ADGRL3: variants seen among roughly 807,000 people sequenced by gnomAD.
The protein encoded by ADGRL3 is adhesion G protein-coupled receptor L3.
A neutral mutation model predicts 153.5 loss-of-function variants in ADGRL3; 62 were observed. The observed-to-expected ratio is 0.40, with a 90% CI of 0.33 to 0.50. The LOEUF is 0.50. Ranked by LOEUF, ADGRL3 falls within the 20% of genes least tolerant of loss-of-function variation. The pLI is 0.47. For missense variants in ADGRL3, 1,641 were observed against 1,859.4 expected, an observed-to-expected ratio of 0.88 and a Z score of 2.16; for synonymous variants, 710 against 672.5, an observed-to-expected ratio of 1.06 and a Z score of -0.86.
chr4:61,957,289 G>T (rs975961557), intron 17 of ADGRL3, among the ~76,000 whole-genome samples: 1 of 151,988 alleles, frequency 6.6e-6, no homozygotes, highest in African/African-American at 2.4e-5. Flanking sequence ...TTTATTCTCT[G>T]TGTAGTGATT....
At chr4:61,574,924 A>G (rs1014929382) in intron 4 of ADGRL3, among the ~76,000 whole-genome samples, 7 of 151,826 alleles carry the variant, frequency 4.6e-5, no homozygotes, top group Admixed American at 2.0e-4. Context: ...GAAGGCTTAT[A>G]TATTATTATT....
intron 2 of ADGRL3, among the ~76,000 whole-genome samples, chr4:61,395,155 A>AT (rs1428437679): frequency 6.6e-6 from 1 of 152,012 alleles, no homozygotes; most frequent in African/African-American, 2.4e-5. Context: ...TTCCGGGACA[A>AT]TCTAGTGATA....
At chr4:61,414,443 C>G (rs1482366904) in intron 2 of ADGRL3, among the ~76,000 whole-genome samples, 1 of 152,044 alleles carries the variant, frequency 6.6e-6, no homozygotes, top group South Asian at 2.1e-4. Flanking sequence ...TAAGAATATA[C>G]TGTTGTTATT....
At chr4:61,306,042 C>A (rs1294633753) in intron 1 of ADGRL3, among the ~76,000 whole-genome samples, 2 of 151,910 alleles carry the variant, frequency 1.3e-5, no homozygotes, top group Non-Finnish European at 2.9e-5. Context: ...TGGATCCTAC[C>A]AGTTTTAGCT....
chr4:62,059,473 C>G (rs992478859), intron 25 of ADGRL3, among the ~76,000 whole-genome samples: 1 of 152,114 alleles, frequency 6.6e-6, no homozygotes, highest in Non-Finnish European at 1.5e-5. Flanking sequence ...GAGTGCTAGA[C>G]AGTAAAGAAG....
intron 17 of ADGRL3, among the ~76,000 whole-genome samples, chr4:61,955,505 A>G (rs1333665317): frequency 6.6e-6 from 1 of 152,192 alleles, no homozygotes. Flanking sequence ...ACTAATTTGA[A>G]CTAATTAGTG....
At chr4:61,590,289 A>T (rs2098964203) in intron 5 of ADGRL3, among the ~76,000 whole-genome samples, 1 of 152,112 alleles carries the variant, frequency 6.6e-6, no homozygotes, top group African/African-American at 2.4e-5. Flanking sequence ...TAAATATGCT[A>T]ATTTTGTTAT....
At chr4:61,986,269 C>T (rs2099085259) in intron 19 of ADGRL3, among the ~76,000 whole-genome samples, 1 of 152,078 alleles carries the variant, frequency 6.6e-6, no homozygotes, top group Admixed American at 6.5e-5. Flanking sequence ...TGCTAAGTAG[C>T]TCCATTTTGC....
intron 9 of ADGRL3, among the ~76,000 whole-genome samples, chr4:61,871,536 A>G (rs2098445538): frequency 2.0e-5 from 3 of 152,172 alleles, no homozygotes; most frequent in South Asian, 2.1e-4. Flanking sequence ...ATACTGTATG[A>G]TTCCATTTAT....
intron 4 of ADGRL3, among the ~76,000 whole-genome samples, chr4:61,542,409 T>G (rs568702266): frequency 2.0e-5 from 3 of 152,188 alleles, no homozygotes; most frequent in African/African-American, 7.2e-5. Context: ...TTTCTGAGAA[T>G]TGAAAAATAA....
intron 8 of ADGRL3, among the ~76,000 whole-genome samples, chr4:61,778,652 G>A (rs969351542): frequency 2.0e-5 from 3 of 152,094 alleles, no homozygotes; most frequent in African/African-American, 4.8e-5. Flanking sequence ...TATATTCATC[G>A]AACCTTGTTA....
At chr4:61,733,645 T>C in intron 8 of ADGRL3, 91 bp downstream of exon 8, 1 of 950,528 alleles carries the variant, frequency 1.1e-6, no homozygotes. Context: ...ACTTTATTTG[T>C]GGTATTCTGG....
chr4:61,839,955 G>GA (rs1309946422), intron 9 of ADGRL3, among the ~76,000 whole-genome samples: 37 of 113,636 alleles, frequency 3.3e-4, no homozygotes, highest in Admixed American at 8.3e-4. Context: ...CATCTTAAAA[G>GA]AAAAAAAAAA....
chr4:61,390,160 A>G (rs942085434), intron 2 of ADGRL3, among the ~76,000 whole-genome samples: 10 of 152,144 alleles, frequency 6.6e-5, no homozygotes, highest in African/African-American at 2.4e-4. Flanking sequence ...TTTAAAATAA[A>G]TGTTTATTAC....
At chr4:61,781,425 T>C (rs1022549214) in intron 8 of ADGRL3, among the ~76,000 whole-genome samples, 2 of 152,114 alleles carry the variant, frequency 1.3e-5, no homozygotes, top group African/African-American at 4.8e-5. Context: ...CATTTCTTTA[T>C]GTATGTTAAC....
intron 19 of ADGRL3, among the ~76,000 whole-genome samples, chr4:61,984,552 G>C (rs1158332606): frequency 1.3e-5 from 2 of 152,150 alleles, no homozygotes; most frequent in African/African-American, 4.8e-5. Context: ...GGATGACAGA[G>C]TGAGAACTCA....
intron 5 of ADGRL3, among the ~76,000 whole-genome samples, chr4:61,664,583 A>G (rs886360564): frequency 6.6e-6 from 1 of 152,150 alleles, no homozygotes; most frequent in African/African-American, 2.4e-5. Context: ...CAATAAAGGA[A>G]GAGTTGCCTC....
intron 3 of ADGRL3, among the ~76,000 whole-genome samples, chr4:61,513,463 A>G (rs2098474387): frequency 6.6e-6 from 1 of 152,258 alleles, no homozygotes; most frequent in East Asian, 1.9e-4. Context: ...CACAACCAAC[A>G]TTCTGGAACA....
At chr4:62,024,703 G>T (rs1717334335) in intron 21 of ADGRL3, among the ~76,000 whole-genome samples, 1 of 151,978 alleles carries the variant, frequency 6.6e-6, no homozygotes, top group Admixed American at 6.6e-5. Context: ...GGCCGAGGCG[G>T]GCGGATCACA....
Sources: allele counts gnomAD v4.1 joint callset (sites outside exome capture counted in the v4.1 genomes callset), GRCh38; gene constraint gnomAD v4.1.1; transcripts MANE v1.5; gene names NCBI Gene and HGNC (gene_info 2026-07-23, HGNC 2026-07-21).